NKD2: variants seen among roughly 807,000 people sequenced by gnomAD.
NKD2 encodes the protein protein naked cuticle homolog 2.
In NKD2, 43 loss-of-function variants were observed where a neutral mutation model predicts 34.8. That is an observed-to-expected ratio of 1.24 (90% CI 0.97 to 1.60). The LOEUF (loss-of-function observed/expected upper bound fraction) is 1.60, where lower values mean the gene tolerates loss of function less well. Among genes scored for constraint, NKD2 ranks in the 40% most tolerant of loss-of-function variants. The pLI, the probability that NKD2 is intolerant of heterozygous loss-of-function variation, is 0.00. For synonymous variants in NKD2, 278 were observed against 265.1 expected (o/e 1.05, Z -0.47); for missense variants, 675 against 627.1 (o/e 1.08, Z -0.82).
chr5:1,016,326 TGGCAG>T (rs964436861), intron 3 of NKD2, among the ~76,000 whole-genome samples: 1 of 152,256 alleles, frequency 6.6e-6, no homozygotes, highest in South Asian at 2.1e-4. Context: ...GGGCACCCTT[TGGCAG>T]CCTTTCACGC....
At position 1,009,915 on chromosome 5, in the gene NKD2, C is replaced by CCT. The variant is rs1755684161; in HGVS notation, c.141+355_141+356insCT. On this transcript the variant is annotated intron_variant, in intron 3 of 9. Transcript: ENST00000296849. The surrounding 1 kb of genome is among the most constrained non-coding windows in gnomAD (Gnocchi z 6.9). ...CTGGGGGTCCCGGGGAGCGGGAATG[C>CCT]AGTACCCCGGCTGGATGAGCTGGAG... Among the ~76,000 whole-genome samples the CCT allele has an allele frequency of 6.6e-6, 1 of 152,076 alleles. No individual in the cohort carries two copies. Among genetic ancestry groups the CCT allele is most frequent in the Non-Finnish European group, 1.5e-5 (1 of 68,000 alleles).
At chr5:1,014,314 C>T (rs925921256) in intron 3 of NKD2, among the ~76,000 whole-genome samples, 2 of 152,232 alleles carry the variant, frequency 1.3e-5, no homozygotes, top group Non-Finnish European at 2.9e-5. Flanking sequence ...ATCAGCCCTG[C>T]AGCTTTGGGC....
intron 3 of NKD2, among the ~76,000 whole-genome samples, chr5:1,026,605 A>G (rs72707203): frequency 0.057 from 2,298 of 40,064 alleles, 338 homozygotes; most frequent in African/African-American, 0.09. Context: ...CTTCCCACCC[A>G]CTGTGGGTGT....
chr5:1,034,013 A>C (rs1255384487), intron 5 of NKD2: 2 of 587,172 alleles, frequency 3.4e-6, no homozygotes, highest in African/African-American at 1.9e-5. Context: ...GAACCGAATC[A>C]CAGGGCACAA....
chr5:1,032,192 A>G lies in NKD2; in HGVS notation c.182A>G (p.Glu61Gly). The G allele has an allele frequency of 6.2e-7, 1 of 1,610,016 alleles. No homozygotes were observed. Among genetic ancestry groups the G allele is most frequent in the Non-Finnish European group, 8.5e-7 (1 of 1,178,742 alleles). The change falls in exon 4 of 10, where the codon GAG (glutamate) becomes GGG (glycine). Residue 61 changes from glutamate (E) to glycine (G), a missense_variant. Transcript: ENST00000296849. ...GACCCCAAGGAGGGGCCTTTCCGGG[A>G]GGACCAGTGTCCCCTACAGGGTGAG... ...NGDPKEGPFR[E>G]DQCPLQVALP...
At chr5:1,018,359 C>T (rs561600453) in intron 3 of NKD2, among the ~76,000 whole-genome samples, 6 of 152,348 alleles carry the variant, frequency 3.9e-5, no homozygotes, top group African/African-American at 1.4e-4. Flanking sequence ...ATCTGTGGAG[C>T]AGGTGGGACC....
chr5:1,021,997 C>T (rs1756211220), intron 3 of NKD2, among the ~76,000 whole-genome samples: 1 of 152,208 alleles, frequency 6.6e-6, no homozygotes, highest in African/African-American at 2.4e-5. Flanking sequence ...TCCCTGTTTC[C>T]TGCTGGCCTC....
intron 3 of NKD2, among the ~76,000 whole-genome samples, chr5:1,020,375 T>C (rs1164541334): frequency 1.3e-5 from 2 of 152,178 alleles, no homozygotes; most frequent in African/African-American, 4.8e-5. Context: ...TAGGTCTGTA[T>C]TTAATACCTG....
rs560045396 is a variant in NKD2, at chr5:1,034,252, C to G, written c.348C>G (p.Val116=). ...RLNIDALQCD[V]SVEEDDRQEW... ...CCCCACAGGCACTCCAGTGCGATGT[C>G]TCGGTGGAGGAGGACGACCGCCAGG... The change falls in exon 6 of 10, where the codon GTC becomes GTG. Residue 116 remains valine, a synonymous_variant. Coordinates refer to ENST00000296849, the MANE Select transcript of NKD2 (RefSeq NM_033120.4). The G allele has an allele frequency of 1.1e-5, 18 of 1,612,158 alleles. 2 individuals are homozygous for G. In the African/African-American group the frequency reaches 2.1e-4, roughly 19 times the overall value.
rs1756724377 is a variant in NKD2, at chr5:1,033,432, A to T, written c.263A>T (p.Asp88Val). 1 of 1,583,196 alleles carries T rather than the reference A, an allele frequency of 6.3e-7. No individual in the cohort carries two copies. Among genetic ancestry groups the T allele is most frequent in the Non-Finnish European group, 8.6e-7 (1 of 1,165,350 alleles). ...CACCCGGGACAACTCCTCAGCGCAG[A>T]TGACGGAGAGAGGGCAGCAAACCGC... is the stretch of plus-strand genomic sequence containing the variant. ...REHPGQLLSA[D>V]DGERAANREG... Residue 88 changes from aspartate (D) to valine (V), a missense_variant, in exon 5 of 10, where the codon GAT becomes GTT. Physicochemically the swap from Asp to Val is radical, Grantham distance 152. Coordinates refer to ENST00000296849, the MANE Select transcript of NKD2 (RefSeq NM_033120.4).
chr5:1,014,472 G>A (rs979305182), intron 3 of NKD2, among the ~76,000 whole-genome samples: 9 of 152,222 alleles, frequency 5.9e-5, no homozygotes, highest in African/African-American at 1.9e-4. Context: ...GTGCCCTTCG[G>A]TGCCCTGGGC....
Position 1,035,433 on chromosome 5 carries a change from G to A in NKD2, c.619G>A (p.Glu207Lys), listed in dbSNP as rs1733851695. The change falls in exon 8 of 10, where the codon GAG becomes AAG. Residue 207 changes from glutamate to lysine, a missense_variant. Coordinates refer to ENST00000296849, the MANE Select transcript of NKD2 (RefSeq NM_033120.4). The stretch of plus-strand genomic sequence containing the variant: ...CAGGATGGAGGGTGAACTGGCAGAG[G>A]AGCCAAGGGTGGCTGACAGGAGGTT... ...RCRMEGELAE[E>K]PRVADRRLSA... 3 of 1,558,964 alleles carry A rather than the reference G, an allele frequency of 1.9e-6. No individual in the cohort carries two copies. Among genetic ancestry groups the A allele is most frequent in the Non-Finnish European group, 2.6e-6 (3 of 1,151,348 alleles).
chr5:1,016,224 T>C (rs1489399204), intron 3 of NKD2, among the ~76,000 whole-genome samples: 6 of 152,256 alleles, frequency 3.9e-5, no homozygotes, highest in Non-Finnish European at 8.8e-5. Context: ...GACAGGAGCC[T>C]TGCAGAGACC....
In NKD2 at chr5:1,036,327, A is replaced by C; in HGVS notation, c.730A>C (p.Arg244=). 4 of 1,612,990 alleles carry C rather than the reference A, an allele frequency of 2.5e-6. No homozygotes were observed. The highest frequency in any genetic ancestry group is 3.4e-6 in the Non-Finnish European group (4 of 1,179,860). ...PYCVDENTER[R]NHYLDLAGIE... ...CTGCGTGGACGAGAACACGGAGCGC[A>C]GAAACCACTACCTGGACCTCGCCGG... The change falls in exon 9 of 10, where the codon AGA becomes CGA. Residue 244 remains arginine (R), a synonymous_variant. Coordinates refer to ENST00000296849, the MANE Select transcript of NKD2 (RefSeq NM_033120.4).
At chr5:1,012,294 A>G (rs1457123141) in intron 3 of NKD2, among the ~76,000 whole-genome samples, 1 of 152,258 alleles carries the variant, frequency 6.6e-6, no homozygotes, top group African/African-American at 2.4e-5. Flanking sequence ...CTCCAGAGGC[A>G]GCATTGTAGC....
intron 3 of NKD2, among the ~76,000 whole-genome samples, chr5:1,012,344 G>A (rs1251170750): frequency 1.3e-5 from 2 of 152,246 alleles, no homozygotes; most frequent in Non-Finnish European, 2.9e-5. Context: ...GGAGGAGGCC[G>A]TGGCCCTGGC....
At chr5:1,015,663 C>T (rs1755920676) in intron 3 of NKD2, among the ~76,000 whole-genome samples, 1 of 152,220 alleles carries the variant, frequency 6.6e-6, no homozygotes, top group Non-Finnish European at 1.5e-5. Flanking sequence ...GGGGTGAGGT[C>T]AGCATTTAGA....
At position 1,033,404 on chromosome 5, in the gene NKD2, G is replaced by A. The variant is rs1560997157; in HGVS notation, c.235G>A (p.Glu79Lys). 6.3e-7 allele frequency: 1 copy of A among 1,597,958 alleles called. No homozygotes were observed. Among genetic ancestry groups the A allele is most frequent in the Non-Finnish European group, 8.5e-7 (1 of 1,173,036 alleles). Residue 79 changes from glutamate to lysine, a missense_variant, in exon 5 of 10, where the codon GAG (glutamate) becomes AAG (lysine). Physicochemically the swap from Glu to Lys is moderately conservative, Grantham distance 56. Transcript: ENST00000296849. ...CCCCGCTGAGAAAGCTGAGGGCCGC[G>A]AGCACCCGGGACAACTCCTCAGCGC... ...ALPAEKAEGR[E>K]HPGQLLSADD...
At position 1,009,256 on chromosome 5, in the gene NKD2, CG is replaced by C; in HGVS notation, c.61+44del. 2.1e-6 allele frequency: 1 copy of C among 481,840 alleles called. No homozygotes were observed. Among genetic ancestry groups the C allele is most frequent in the Non-Finnish European group, 3.6e-6 (1 of 277,308 alleles). The allele number at this position is 481,840 out of a possible 1,614,324, so 29.8% of individuals were successfully genotyped here. On this transcript the variant is annotated intron_variant, in intron 2 of 9. Coordinates refer to ENST00000296849, the MANE Select transcript of NKD2 (RefSeq NM_033120.4). The surrounding 1 kb of genome is among the most constrained non-coding windows in gnomAD (Gnocchi z 6.9). ...ACGGGCGGGGCGGGGGGCGGCGACCCGGCCCGGGACCCTCAGAGCTAGGAGC... is the reference window on the plus strand; with the variant it reads ...ACGGGCGGGGCGGGGGGCGGCGACCCGCCCGGGACCCTCAGAGCTAGGAGC...
Sources: gnomAD v4.1 joint callset for allele counts (sites outside exome capture counted in the v4.1 genomes callset) on GRCh38, gnomAD v4.1.1 for gene constraint, Gnocchi (gnomAD v3.1) non-coding constraint, MANE v1.5 for transcripts, NCBI Gene and HGNC (gene_info 2026-07-23, HGNC 2026-07-21) for gene names.